Variants in KCNQ5 observed in about 807,000 individuals in gnomAD.
KCNQ5 encodes potassium voltage-gated channel subfamily KQT member 5.
In KCNQ5, 30 loss-of-function variants were observed where a neutral mutation model predicts 98.2. That is an observed-to-expected ratio of 0.31 (90% confidence interval 0.23 to 0.41). KCNQ5 has a LOEUF of 0.41. Ranked by LOEUF, KCNQ5 falls within the 10% of genes least tolerant of loss-of-function variation. The pLI is 1.00. For missense variants in KCNQ5, 835 were observed against 1,182.5 expected (o/e 0.71, Z 4.31); for synonymous variants, 458 against 449.4 (o/e 1.02, Z -0.24).
intron 1 of KCNQ5, among the ~76,000 whole-genome samples, chr6:72,929,396 A>G (rs534258381): frequency 6.6e-6 from 1 of 152,180 alleles, no homozygotes; most frequent in Non-Finnish European, 1.5e-5. Context: ...GTGACTGCCA[A>G]AAAGTGCACT....
chr6:72,973,795 T>G (rs1361203490), intron 1 of KCNQ5, among the ~76,000 whole-genome samples: 1 of 152,228 alleles, frequency 6.6e-6, no homozygotes, highest in African/African-American at 2.4e-5. Context: ...AAAATAGTAT[T>G]GGGAACTTAG....
intron 1 of KCNQ5, among the ~76,000 whole-genome samples, chr6:72,892,520 A>T (rs1779097023): frequency 6.6e-6 from 1 of 152,182 alleles, no homozygotes; most frequent in Non-Finnish European, 1.5e-5. Context: ...GCAGATTCGG[A>T]GATTTCAAGC....
At chr6:72,757,158 G>A (rs1310873025) in intron 1 of KCNQ5, among the ~76,000 whole-genome samples, 1 of 152,130 alleles carries the variant, frequency 6.6e-6, no homozygotes, top group Non-Finnish European at 1.5e-5. Context: ...GCGATGGGCT[G>A]TAATTGAGCA....
At chr6:73,078,698 C>G (rs1163288540) in intron 5 of KCNQ5, among the ~76,000 whole-genome samples, 1 of 152,128 alleles carries the variant, frequency 6.6e-6, no homozygotes, top group Non-Finnish European at 1.5e-5. Flanking sequence ...TTTACATGTC[C>G]ATAGGCAAGA....
chr6:72,669,260 T>C (rs2154473265), intron 1 of KCNQ5, among the ~76,000 whole-genome samples: 1 of 152,264 alleles, frequency 6.6e-6, no homozygotes, highest in East Asian at 1.9e-4. Flanking sequence ...AATACAATGA[T>C]GAGACAGTTA....
chr6:72,827,033 A>G (rs769224307), intron 1 of KCNQ5, among the ~76,000 whole-genome samples: 1 of 152,100 alleles, frequency 6.6e-6, no homozygotes, highest in Non-Finnish European at 1.5e-5. Flanking sequence ...AGTTCCATCT[A>G]TGTTGCTATG....
At chr6:73,161,708 A>G (rs895312778) in intron 10 of KCNQ5, among the ~76,000 whole-genome samples, 1 of 152,260 alleles carries the variant, frequency 6.6e-6, no homozygotes, top group African/African-American at 2.4e-5. Context: ...TCCTTCTTCC[A>G]TAAATACCTT....
At chr6:72,823,579 C>G (rs1195912661) in intron 1 of KCNQ5, among the ~76,000 whole-genome samples, 1 of 152,092 alleles carries the variant, frequency 6.6e-6, no homozygotes, top group Non-Finnish European at 1.5e-5. Context: ...AGCCTATAAG[C>G]CAATAGCAGC....
At chr6:73,050,318 A>AGGAAG (rs1772174923) in intron 3 of KCNQ5, among the ~76,000 whole-genome samples, 1 of 80,956 alleles carries the variant, frequency 1.2e-5, no homozygotes, top group African/African-American at 4.2e-5. Context: ...AAGGGAGGGA[A>AGGAAG]GAAGGAAGGA....
chr6:72,815,515 G>T (rs554136502), intron 1 of KCNQ5, among the ~76,000 whole-genome samples: 4 of 152,130 alleles, frequency 2.6e-5, no homozygotes, highest in Non-Finnish European at 4.4e-5. Flanking sequence ...TTAGTTTGAC[G>T]AAAGGGAAGT....
chr6:72,622,566 C>T lies in KCNQ5; in HGVS notation c.377C>T (p.Ala126Val). 6.2e-7 allele frequency: 1 copy of T among 1,612,514 alleles called. No individual in the cohort carries two copies. Among genetic ancestry groups the T allele is most frequent in the Non-Finnish European group, 8.5e-7 (1 of 1,179,520 alleles). ...GTGCTGGAGAGACCCCGCGGCTGGG[C>T]GTTCATCTACCACGCTTTCGTGTGA... ...YNVLERPRGW[A>V]FIYHAFVFLL... The change falls in exon 1 of 14, where the codon GCG becomes GTG. Residue 126 changes from alanine to valine, a missense_variant. This residue lies in a region of KCNQ5 where 19 missense variants were observed against 29.6 expected (regional missense o/e 0.64). Coordinates refer to ENST00000370398, the MANE Select transcript of KCNQ5 (RefSeq NM_019842.4). The surrounding 1 kb of genome is among the most constrained non-coding windows in gnomAD (Gnocchi z 6.0).
intron 2 of KCNQ5, among the ~76,000 whole-genome samples, chr6:73,006,717 T>C (rs1001056687): frequency 6.6e-6 from 1 of 152,164 alleles, no homozygotes; most frequent in Non-Finnish European, 1.5e-5. Context: ...TTGTACACTT[T>C]TCGTGTACAC....
In KCNQ5 at chr6:72,690,513, G is replaced by A. The variant is rs141796385; in HGVS notation, c.398+67926G>A. On this transcript the variant is annotated intron_variant, in intron 1 of 13. Transcript: ENST00000370398. The stretch of plus-strand genomic sequence containing the variant: ...GGACAGAAGATTGGTAAAATTTCTT[G>A]ACACCTACTATTGAATCAAGTTTAC... Among the ~76,000 whole-genome samples, 491 of 152,154 alleles carry A rather than the reference G, an allele frequency of 3.2e-3. 4 individuals carry two copies. Among genetic ancestry groups the A allele is most frequent in the African/African-American group, 0.011 (475 of 41,512 alleles).
At chr6:72,873,987 T>G (rs1175837752) in intron 1 of KCNQ5, among the ~76,000 whole-genome samples, 2 of 151,956 alleles carry the variant, frequency 1.3e-5, no homozygotes, top group Non-Finnish European at 2.9e-5. Context: ...TGATTAAAGC[T>G]CCTCACTTTA....
intron 2 of KCNQ5, among the ~76,000 whole-genome samples, chr6:73,039,680 T>G (rs1279258838): frequency 6.6e-6 from 1 of 152,184 alleles, no homozygotes; most frequent in Non-Finnish European, 1.5e-5. Flanking sequence ...TGAGAACACA[T>G]TCTGTCTGAT....
At chr6:72,942,532 G>A (rs1002420133) in intron 1 of KCNQ5, among the ~76,000 whole-genome samples, 3 of 152,162 alleles carry the variant, frequency 2.0e-5, no homozygotes, top group African/African-American at 7.2e-5. Flanking sequence ...ATTAAAGAAA[G>A]CATAACCTCA....
intron 3 of KCNQ5, among the ~76,000 whole-genome samples, chr6:73,069,308 T>G (rs1046964846): frequency 6.6e-6 from 1 of 152,162 alleles, no homozygotes; most frequent in Admixed American, 6.5e-5. Flanking sequence ...GTAGAGTTCT[T>G]TTTTAATGTA....
chr6:72,757,025 A>G lies in KCNQ5; in HGVS notation c.398+134438A>G, dbSNP rs1045145610. Among the ~76,000 whole-genome samples, 6 of 152,188 alleles carry G rather than the reference A, an allele frequency of 3.9e-5. No homozygotes were observed. In the East Asian group the frequency reaches 1.2e-3, roughly 29 times the overall value. On this transcript the variant is annotated intron_variant, in intron 1 of 13. Coordinates refer to ENST00000370398, the MANE Select transcript of KCNQ5 (RefSeq NM_019842.4). ...GCTGCCTTCCAAATGAATGAAATGT[A>G]ATATAACATTTCAAATATAAAAGGA...
intron 1 of KCNQ5, among the ~76,000 whole-genome samples, chr6:72,860,001 C>T (rs1274905722): frequency 1.3e-5 from 2 of 151,804 alleles, no homozygotes; most frequent in Non-Finnish European, 2.9e-5. Context: ...TTGTCTCCAT[C>T]CTCAAAAAGT....
Sources: allele counts gnomAD v4.1 joint callset (sites outside exome capture counted in the v4.1 genomes callset), GRCh38; gene constraint gnomAD v4.1.1; regional missense constraint gnomAD v4.1.1; non-coding constraint Gnocchi (gnomAD v3.1); transcripts MANE v1.5; gene names NCBI Gene and HGNC (gene_info 2026-07-23, HGNC 2026-07-21).